Variants in LRP1B observed in about 807,000 individuals in gnomAD.
LRP1B encodes LDL receptor related protein 1B.
Under a neutral mutation model 556.6 loss-of-function variants are expected in LRP1B, and 217 were observed. The observed-to-expected ratio is 0.39, with a 90% confidence interval of 0.35 to 0.44. LRP1B has a LOEUF of 0.44. LRP1B is among the 20% of genes least tolerant of loss of function. LRP1B has a pLI of 1.00. For missense variants in LRP1B, 5,053 were observed against 5,620.8 expected (o/e 0.90, Z 3.23); for synonymous variants, 2,047 against 1,865.8 (o/e 1.10, Z -2.50).
At chr2:141,471,355 T>G (rs1682467464) in intron 3 of LRP1B, among the ~76,000 whole-genome samples, 1 of 151,484 alleles carries the variant, frequency 6.6e-6, no homozygotes, top group Non-Finnish European at 1.5e-5. Flanking sequence ...TGTATACCTA[T>G]TCTAATGTAA....
rs756209734 is a variant in LRP1B at position 141,247,323 on chromosome 2, G to A, written c.495C>T (p.Cys165=). ...CATGTGTGTTTCTGCAGGTCTGGCT[G>A]CATGTACCATAAACAGCACATTCAT... The part of the protein sequence containing the change: ...DQDECAVYGT[C]SQTCRNTHGS... The change falls in exon 5 of 91, where the codon TGC becomes TGT. Residue 165 remains cysteine, a synonymous_variant. Coordinates refer to ENST00000389484, the MANE Select transcript of LRP1B (RefSeq NM_018557.3). 5.8e-5 allele frequency: 94 copies of A among 1,613,620 alleles called. No individual in the cohort carries two copies. The highest frequency in any genetic ancestry group is 7.3e-5 in the Non-Finnish European group (86 of 1,179,764).
At chr2:140,641,992 G>T (rs1684312429) in intron 41 of LRP1B, among the ~76,000 whole-genome samples, 1 of 152,152 alleles carries the variant, frequency 6.6e-6, no homozygotes, top group Non-Finnish European at 1.5e-5. Context: ...AACTGAAGAT[G>T]ATCTAGATTA....
intron 66 of LRP1B, among the ~76,000 whole-genome samples, chr2:140,418,910 A>T (rs1455779138): frequency 6.7e-6 from 1 of 150,280 alleles, no homozygotes; most frequent in Non-Finnish European, 1.5e-5. Context: ...GGCTGCTGTC[A>T]TAGTGTGTAA....
intron 3 of LRP1B, among the ~76,000 whole-genome samples, chr2:141,381,981 T>A (rs1322057695): frequency 2.0e-5 from 3 of 150,910 alleles, no homozygotes; most frequent in Non-Finnish European, 2.9e-5. Context: ...TCATTTTAAG[T>A]GTGTAGACAG....
chr2:140,695,940 A>C (rs1437912132), intron 41 of LRP1B, among the ~76,000 whole-genome samples: 1 of 152,236 alleles, frequency 6.6e-6, no homozygotes, highest in Non-Finnish European at 1.5e-5. Flanking sequence ...AAGTTAAAGA[A>C]GAAAGCCTTT....
At chr2:140,289,537 T>C (rs1161429000) in intron 84 of LRP1B, among the ~76,000 whole-genome samples, 1 of 151,978 alleles carries the variant, frequency 6.6e-6, no homozygotes, top group Non-Finnish European at 1.5e-5. Flanking sequence ...CATACATTGG[T>C]TTCTAATAAA....
At chr2:140,237,446 G>A (rs1680758078) in intron 89 of LRP1B, among the ~76,000 whole-genome samples, 1 of 150,760 alleles carries the variant, frequency 6.6e-6, no homozygotes, top group African/African-American at 2.4e-5. Flanking sequence ...TAAAAATCAT[G>A]GAAGTACAGA....
intron 3 of LRP1B, among the ~76,000 whole-genome samples, chr2:141,357,124 T>A (rs1183790069): frequency 6.6e-6 from 1 of 152,006 alleles, no homozygotes. Flanking sequence ...GGTGCGATCT[T>A]GGCTCACTGC....
At chr2:140,969,536 A>G (rs1483047557) in intron 18 of LRP1B, among the ~76,000 whole-genome samples, 1 of 152,124 alleles carries the variant, frequency 6.6e-6, no homozygotes, top group Admixed American at 6.5e-5. Flanking sequence ...TAAGGTTAAT[A>G]TTGTTATGTG....
intron 23 of LRP1B, among the ~76,000 whole-genome samples, chr2:140,896,223 T>TGTAACTGAATATTGAGATATGAG (rs1693949089): frequency 6.6e-6 from 1 of 151,944 alleles, no homozygotes; most frequent in South Asian, 2.1e-4. Flanking sequence ...AGAGGGAAAA[T>TGTAACTGAATATTGAGATATGAG]GTAACTGAAT....
intron 1 of LRP1B, among the ~76,000 whole-genome samples, chr2:141,942,079 A>T (rs1323545433): frequency 6.6e-6 from 1 of 152,162 alleles, no homozygotes; most frequent in African/African-American, 2.4e-5. Flanking sequence ...ACCTCTGAAG[A>T]TGCTGCTGAT....
rs1352559298 is a variant in LRP1B, at chr2:140,769,171, G to C, written c.5758+42C>G. 2.6e-6 allele frequency: 4 copies of C among 1,560,532 alleles called. No homozygotes were observed. The South Asian group carries it at 3.3e-5, about 13-fold the overall frequency. ...ATTCCCATCATGTTTAATAAATCAAGTGAATATATTATGCATAAATTATGA... is the reference window on the plus strand; with the variant it reads ...ATTCCCATCATGTTTAATAAATCAACTGAATATATTATGCATAAATTATGA... On this transcript the variant is annotated intron_variant, in intron 35 of 90. Transcript: ENST00000389484.
intron 41 of LRP1B, among the ~76,000 whole-genome samples, chr2:140,666,019 A>G (rs1179455871): frequency 6.8e-6 from 1 of 147,216 alleles, no homozygotes; most frequent in African/African-American, 2.5e-5. Flanking sequence ...CCTGAGACGG[A>G]GTCTCACTCT....
intron 1 of LRP1B, among the ~76,000 whole-genome samples, chr2:142,122,033 T>C (rs1164074555): frequency 6.6e-6 from 1 of 152,184 alleles, no homozygotes; most frequent in Non-Finnish European, 1.5e-5. Context: ...CATGATACGA[T>C]GTGTTTTCAC....
intron 2 of LRP1B, among the ~76,000 whole-genome samples, chr2:141,503,887 C>T (rs1346747655): frequency 6.6e-6 from 1 of 152,110 alleles, no homozygotes; most frequent in African/African-American, 2.4e-5. Flanking sequence ...CAACAGAGCA[C>T]TCCTTAATAT....
intron 1 of LRP1B, among the ~76,000 whole-genome samples, chr2:142,112,901 A>G (rs1014719683): frequency 6.6e-6 from 1 of 152,166 alleles, no homozygotes; most frequent in African/African-American, 2.4e-5. Context: ...GTGTAAAGTC[A>G]TGGATTAAAG....
intron 84 of LRP1B, among the ~76,000 whole-genome samples, chr2:140,285,339 A>G (rs1257299092): frequency 6.7e-6 from 1 of 150,322 alleles, no homozygotes; most frequent in East Asian, 2.0e-4. Context: ...ACACATACAT[A>G]TGTATATATG....
At position 141,729,306 on chromosome 2, in the gene LRP1B, C is replaced by CT. The variant is rs1186311943; in HGVS notation, c.205+80972dup. On this transcript the variant is annotated intron_variant, in intron 2 of 90. Transcript: ENST00000389484. ...ACAAAAATGCTTATGCTATGCTATT[C>CT]TTTTTTTTTAGTCTTTGGACGTTAT... Among the ~76,000 whole-genome samples, 275 of 145,030 alleles carry CT rather than the reference C, an allele frequency of 1.9e-3. 2 individuals are homozygous for CT. The highest frequency in any genetic ancestry group is 3.6e-3 in the African/African-American group (138 of 38,224).
At chr2:141,200,320 T>C (rs1478447844) in intron 6 of LRP1B, among the ~76,000 whole-genome samples, 2 of 151,828 alleles carry the variant, frequency 1.3e-5, no homozygotes, top group Non-Finnish European at 2.9e-5. Flanking sequence ...CAGTCACAAG[T>C]GGGAGCTGAA....
Sources: allele counts gnomAD v4.1 joint callset (sites outside exome capture counted in the v4.1 genomes callset), GRCh38; gene constraint gnomAD v4.1.1; transcripts MANE v1.5; gene names NCBI Gene and HGNC (gene_info 2026-07-23, HGNC 2026-07-21).